DNM2: variants seen among roughly 807,000 people sequenced by gnomAD.
The protein encoded by DNM2 is dynamin-2.
DNM2 carries 15 observed loss-of-function variants against 99.0 expected under a neutral mutation model. The observed-to-expected ratio is 0.15, with a 90% CI of 0.10 to 0.23. DNM2 has a LOEUF of 0.23. DNM2 is among the 10% of genes least tolerant of loss of function. DNM2 has a pLI of 1.00. For synonymous variants in DNM2, 525 were observed against 481.2 expected, an observed-to-expected ratio of 1.09 and a Z score of -1.19; for missense variants, 742 against 1,189.4, an observed-to-expected ratio of 0.62 and a Z score of 5.53.
At chr19:10,725,730 T>C (rs746367431) in intron 1 of DNM2, among the ~76,000 whole-genome samples, 1 of 152,106 alleles carries the variant, frequency 6.6e-6, no homozygotes, top group Non-Finnish European at 1.5e-5. Context: ...TTGGCTTTTG[T>C]CTCCTTTTAT....
At chr19:10,786,782 G>A in intron 7 of DNM2, 76 bp downstream of exon 7, 1 of 1,600,010 alleles carries the variant, frequency 6.2e-7, no homozygotes, top group Non-Finnish European at 8.5e-7. Context: ...CCTAGGCTGG[G>A]CACCACTCAT....
intron 2 of DNM2, among the ~76,000 whole-genome samples, chr19:10,767,792 G>C (rs2145891707): frequency 6.6e-6 from 1 of 152,292 alleles, no homozygotes; most frequent in African/African-American, 2.4e-5. Context: ...TATAATCCCA[G>C]TTACTTGGGA....
intron 1 of DNM2, among the ~76,000 whole-genome samples, chr19:10,758,909 C>T (rs1272948525): frequency 6.6e-6 from 1 of 152,138 alleles, no homozygotes; most frequent in Non-Finnish European, 1.5e-5. Context: ...CGAAATCGAT[C>T]CATTTCAGAA....
At chr19:10,769,361 T>C (rs1419114870) in intron 2 of DNM2, 1 of 152,132 alleles carries the variant, frequency 6.6e-6, no homozygotes, top group Non-Finnish European at 1.5e-5. Flanking sequence ...GTGAGCTGGC[T>C]CTGATGAGGA....
Position 10,831,172 on chromosome 19 carries a change from C to A in DNM2, c.*125C>A. The A allele has an allele frequency of 2.1e-6, 3 of 1,428,144 alleles. No individual in the cohort carries two copies. Among genetic ancestry groups the A allele is most frequent in the Non-Finnish European group, 2.7e-6 (3 of 1,093,374 alleles). 88.5% of individuals were successfully genotyped at this position (1,428,144 alleles called of 1,614,324 possible). A position where few individuals can be genotyped will look rare whatever the true frequency, so the allele number is the denominator to read the frequency against. On this transcript the variant is annotated 3_prime_UTR_variant, in exon 21 of 21. Transcript: ENST00000389253. This position sits in a 1 kb window ranked among gnomAD's most constrained non-coding sequence, Gnocchi z 4.3. ...TCCCAGTGGGCAGCCCTGGCCTCTT[C>A]CTTAACGCTGGCCCCGGTCCAGGGC...
intron 1 of DNM2, among the ~76,000 whole-genome samples, chr19:10,732,570 C>A (rs1353207120): frequency 6.6e-6 from 1 of 151,616 alleles, no homozygotes; most frequent in Non-Finnish European, 1.5e-5. Context: ...ACTGCACTCC[C>A]GCCTGGGTGA....
chr19:10,736,018 C>T (rs1380134331), intron 1 of DNM2, among the ~76,000 whole-genome samples: 1 of 151,952 alleles, frequency 6.6e-6, no homozygotes, highest in Non-Finnish European at 1.5e-5. Flanking sequence ...GCCTGTAATC[C>T]TAACACTTTG....
chr19:10,781,762 C>G (rs2071384976), intron 5 of DNM2: 1 of 152,130 alleles, frequency 6.6e-6, no homozygotes, highest in Admixed American at 6.5e-5. Context: ...AACAAAAAAC[C>G]CCACAAAACA....
Position 10,762,881 on chromosome 19 carries a change from AGGGGTG to A in DNM2, c.235+3075_235+3080del, listed in dbSNP as rs2070679878. 3.4e-5 allele frequency among the ~76,000 whole-genome samples: 5 copies of A among 148,048 alleles called. No homozygotes were observed. The South Asian group carries it at 1.1e-3, about 34-fold the overall frequency. On this transcript the variant is annotated intron_variant, in intron 2 of 20. Transcript: ENST00000389253. ...GGAGGAGGCAGGAGTAGGTGCTGGAAGGGGTGGGGGCAGGTGGGGGATGGGTGTGGC... is the reference window on the plus strand; with the variant it reads ...GGAGGAGGCAGGAGTAGGTGCTGGAAGGGGCAGGTGGGGGATGGGTGTGGC...
intron 1 of DNM2, among the ~76,000 whole-genome samples, chr19:10,751,869 G>A (rs1418667692): frequency 1.3e-5 from 2 of 152,236 alleles, no homozygotes; most frequent in African/African-American, 2.4e-5. Flanking sequence ...AGGATTTTTA[G>A]CAAAGCAATT....
At position 10,816,327 on chromosome 19, in the gene DNM2, C is replaced by T. The variant is rs991326331; in HGVS notation, c.1672-3653C>T. Among the ~76,000 whole-genome samples, 1 of 152,070 alleles carries T rather than the reference C, an allele frequency of 6.6e-6. No homozygotes were observed. The highest frequency in any genetic ancestry group is 1.5e-5 in the Non-Finnish European group (1 of 68,000). The stretch of plus-strand genomic sequence containing the variant: ...GGAATGTTCCTGAAACCTCAGGAGC[C>T]CTGAGGCTTCTGCGGGACTCTGGGG... On this transcript the variant is annotated intron_variant, in intron 15 of 20. Transcript: ENST00000389253. This position sits in a 1 kb window ranked among gnomAD's most constrained non-coding sequence, Gnocchi z 4.6.
intron 7 of DNM2, among the ~76,000 whole-genome samples, chr19:10,792,923 TAATAA>T (rs2071804579): frequency 1.3e-5 from 2 of 152,050 alleles, no homozygotes; most frequent in South Asian, 4.1e-4. Context: ...ATATATTTTT[TAATAA>T]AATGTGGTCT....
chr19:10,814,523 ACTCTT>A (rs1454782500), intron 15 of DNM2, among the ~76,000 whole-genome samples: 1 of 151,816 alleles, frequency 6.6e-6, no homozygotes, highest in Non-Finnish European at 1.5e-5. Flanking sequence ...CAGTCACCCT[ACTCTT>A]CTGTTGAACA....
At chr19:10,733,195 T>A (rs1436300075) in intron 1 of DNM2, among the ~76,000 whole-genome samples, 1 of 149,304 alleles carries the variant, frequency 6.7e-6, no homozygotes, top group Non-Finnish European at 1.5e-5. Context: ...GGTGTGGTTT[T>A]TTTTTTTTTT....
intron 2 of DNM2, among the ~76,000 whole-genome samples, chr19:10,769,689 C>T (rs1317865769): frequency 1.3e-5 from 2 of 151,522 alleles, no homozygotes; most frequent in African/African-American, 2.4e-5. Context: ...AGTGTTTCCC[C>T]TTGTCCCTGC....
chr19:10,798,320 T>G, intron 10 of DNM2, 166 bp from the exon 11 acceptor site: 1 of 653,942 alleles, frequency 1.5e-6, no homozygotes. Context: ...TCTTCTGCTC[T>G]TAGCTCCCAG....
At position 10,764,137 on chromosome 19, in the gene DNM2, G is replaced by A. The variant is rs1599504208; in HGVS notation, c.235+4326G>A. On this transcript the variant is annotated intron_variant, in intron 2 of 20. Transcript: ENST00000389253. The surrounding 1 kb of genome is among the most constrained non-coding windows in gnomAD (Gnocchi z 4.1). ...CCAGACCACGTGGCTCCTAGGGATT[G>A]GCAGCTGGCTCTCTGTGACCAAACT... 1.3e-5 allele frequency among the ~76,000 whole-genome samples: 2 copies of A among 152,296 alleles called. No individual in the cohort carries two copies. Among genetic ancestry groups the A allele is most frequent in the South Asian group, 2.1e-4 (1 of 4,830 alleles).
chr19:10,784,801 T>C (rs2145969295), intron 6 of DNM2, among the ~76,000 whole-genome samples: 1 of 149,398 alleles, frequency 6.7e-6, no homozygotes, highest in Non-Finnish European at 1.5e-5. Context: ...TTTGTATTTA[T>C]TTTTTATTTT....
rs2071955287 is a variant in DNM2, at chr19:10,796,876, T to C, written c.1197-504T>C. On this transcript the variant is annotated intron_variant, in intron 9 of 20. Coordinates refer to ENST00000389253, the MANE Select transcript of DNM2 (RefSeq NM_001005361.3). The surrounding 1 kb of genome is among the most constrained non-coding windows in gnomAD (Gnocchi z 5.6). The stretch of plus-strand genomic sequence containing the variant: ...GGGCCTGGTTCCCAGGGCAGCACGC[T>C]TTGGCCAAGCAGCTGAAATGCCTCC... Among the ~76,000 whole-genome samples, 1 of 152,090 alleles carries C rather than the reference T, an allele frequency of 6.6e-6. No individual in the cohort carries two copies. The highest frequency in any genetic ancestry group is 1.5e-5 in the Non-Finnish European group (1 of 68,012).
Sources: gnomAD v4.1 joint callset for allele counts (sites outside exome capture counted in the v4.1 genomes callset) on GRCh38, gnomAD v4.1.1 for gene constraint, Gnocchi (gnomAD v3.1) non-coding constraint, MANE v1.5 for transcripts, NCBI Gene and HGNC (gene_info 2026-07-23, HGNC 2026-07-21) for gene names.